Variants in CEP350 observed in about 807,000 individuals in gnomAD.
The protein encoded by CEP350 is centrosome-associated protein 350.
Under a neutral mutation model 331.8 loss-of-function variants are expected in CEP350, and 126 were observed. That is an observed-to-expected ratio of 0.38 (90% confidence interval 0.33 to 0.44). The LOEUF is 0.44. Among genes scored for constraint, CEP350 ranks in the 20% least tolerant of loss-of-function variants. The pLI, the probability that CEP350 is intolerant of heterozygous loss-of-function variation, is 1.00. For missense variants in CEP350, 3,406 were observed against 3,634.6 expected (o/e 0.94, Z 1.62); for synonymous variants, 1,200 against 1,259.5 (o/e 0.95, Z 1.00).
intron 5 of CEP350, among the ~76,000 whole-genome samples, chr1:179,995,067 C>G (rs1379826584): frequency 6.6e-6 from 1 of 152,118 alleles, no homozygotes; most frequent in Admixed American, 6.5e-5. Context: ...TTTTACATTC[C>G]TAAATGTTTA....
At chr1:180,082,610 C>T (rs904313004) in intron 30 of CEP350, among the ~76,000 whole-genome samples, 3 of 152,044 alleles carry the variant, frequency 2.0e-5, no homozygotes, top group African/African-American at 4.8e-5. Flanking sequence ...CCAGTGCGCC[C>T]GGACTGCATT....
At chr1:180,038,764 A>G (rs1656543304) in intron 17 of CEP350, among the ~76,000 whole-genome samples, 1 of 152,194 alleles carries the variant, frequency 6.6e-6, no homozygotes, top group South Asian at 2.1e-4. Flanking sequence ...TATATTCTGG[A>G]AACAAGTCCT....
chr1:180,006,672 C>A, intron 8 of CEP350, 105 bp downstream of exon 8: 1 of 670,142 alleles, frequency 1.5e-6, no homozygotes. Context: ...GTTTGATACA[C>A]AGGGTATACG....
At chr1:180,040,852 G>T (rs1259842463) in intron 17 of CEP350, among the ~76,000 whole-genome samples, 4 of 152,070 alleles carry the variant, frequency 2.6e-5, no homozygotes, top group Middle Eastern at 6.8e-3. Context: ...CAAAAAGTTG[G>T]GTGCTATAGC....
chr1:180,054,021 C>G (rs899649022), intron 24 of CEP350, 87 bp downstream of exon 24: 1 of 1,073,118 alleles, frequency 9.3e-7, no homozygotes, highest in Middle Eastern at 3.1e-4. Flanking sequence ...TTCCTCATTT[C>G]ATTTGATTAG....
Position 180,095,710 on chromosome 1 carries a change from C to G in CEP350, c.8699C>G (p.Ala2900Gly), listed in dbSNP as rs1378073138. Reference sequence around the variant, plus strand: ...GAAGAAACCATTGTACCTCTAATGGCAGAACCTAAAAGAGTAACCCAACAA... The same window carrying G: ...GAAGAAACCATTGTACCTCTAATGGGAGAACCTAAAAGAGTAACCCAACAA... ...KAEETIVPLM[A>G]EPKRVTQQPC... is the part of the protein sequence containing the mutation. Residue 2900 changes from alanine (A) to glycine (G), a missense_variant, in exon 35 of 38, where the codon GCA becomes GGA. Ala to Gly is a moderately conservative substitution (Grantham distance 60, BLOSUM62 0). Transcript: ENST00000367607. 1 of 1,613,854 alleles carries G rather than the reference C, an allele frequency of 6.2e-7. No homozygotes were observed. The highest frequency in any genetic ancestry group is 8.5e-7 in the Non-Finnish European group (1 of 1,179,886).
chr1:179,966,306 A>G (rs1651008769), intron 1 of CEP350, among the ~76,000 whole-genome samples: 2 of 152,190 alleles, frequency 1.3e-5, no homozygotes, highest in African/African-American at 4.8e-5. Context: ...CTGATTTGGG[A>G]GCCCTCATTT....
In CEP350 at chr1:179,976,717, C is replaced by T. The variant is rs185762844; in HGVS notation, c.-13-9452C>T. 2.6e-3 allele frequency among the ~76,000 whole-genome samples: 389 copies of T among 151,576 alleles called. 4 individuals carry two copies. The highest frequency in any genetic ancestry group is 8.8e-3 in the African/African-American group (364 of 41,428). Reference sequence around the variant, plus strand: ...GAAATGAAATATAGGAAATGAATTTCAAATATATTTTTCATTAATAGCTTT... The same window carrying T: ...GAAATGAAATATAGGAAATGAATTTTAAATATATTTTTCATTAATAGCTTT... On this transcript the variant is annotated intron_variant, in intron 1 of 37. Coordinates refer to ENST00000367607, the MANE Select transcript of CEP350 (RefSeq NM_014810.5).
At chr1:180,096,300 C>T (rs1660476018) in intron 36 of CEP350, 116 bp downstream of exon 36, 1 of 1,174,678 alleles carries the variant, frequency 8.5e-7, no homozygotes, top group South Asian at 1.9e-5. Context: ...GTCTTCAGGA[C>T]CTGTTCCATA....
At chr1:180,082,776 TA>T (rs1483145093) in intron 30 of CEP350, among the ~76,000 whole-genome samples, 2 of 152,194 alleles carry the variant, frequency 1.3e-5, no homozygotes, top group Non-Finnish European at 2.9e-5. Flanking sequence ...TTAAAAATAT[TA>T]ATTTAAAATA....
intron 1 of CEP350, among the ~76,000 whole-genome samples, chr1:179,963,259 A>G (rs1381808205): frequency 6.6e-6 from 1 of 151,196 alleles, no homozygotes; most frequent in Non-Finnish European, 1.5e-5. Context: ...CCCATTCTTT[A>G]GGTTACCTCT....
In CEP350 at chr1:180,110,992, C is replaced by T; in HGVS notation, c.9190-5C>T. ...TTTCTAACCTTATTGTCTTCTAAAT[C>T]CTAGGTTCAGGAGCTCCATGAGGAG... On this transcript the variant is annotated splice_region_variant and splice_polypyrimidine_tract_variant and intron_variant, in intron 37 of 37. Coordinates refer to ENST00000367607, the MANE Select transcript of CEP350 (RefSeq NM_014810.5). The T allele has an allele frequency of 1.9e-6, 3 of 1,612,814 alleles. No homozygotes were observed. The highest frequency in any genetic ancestry group is 2.5e-6 in the Non-Finnish European group (3 of 1,179,110).
Position 180,041,667 on chromosome 1 carries a change from T to C in CEP350, c.4227T>C (p.His1409=), listed in dbSNP as rs756353186. Residue 1409 remains histidine, a synonymous_variant, in exon 19 of 38, where the codon CAT becomes CAC. Transcript: ENST00000367607. The part of the protein sequence containing the change: ...EETRNKAAQV[H]AESLQQVVQS... ...TAAACCCCTTTTATTTAAAGGTCCA[T>C]GCAGAATCATTACAGCAGGTGGTTC... 1.2e-6 allele frequency: 2 copies of C among 1,613,442 alleles called. No homozygotes were observed. Among genetic ancestry groups the C allele is most frequent in the African/African-American group, 2.7e-5 (2 of 74,926 alleles).
intron 22 of CEP350, among the ~76,000 whole-genome samples, chr1:180,049,047 G>A (rs745916451): frequency 6.6e-6 from 1 of 152,096 alleles, no homozygotes; most frequent in Non-Finnish European, 1.5e-5. Flanking sequence ...CAGCTTTGGC[G>A]ACAGAGCAAG....
rs1294783338 is a variant in CEP350 at position 180,044,051 on chromosome 1, G to A, written c.4500G>A (p.Arg1500=). The A allele has an allele frequency of 2.0e-5, 31 of 1,523,424 alleles. No homozygotes were observed. Among genetic ancestry groups the A allele is most frequent in the Non-Finnish European group, 2.7e-5 (31 of 1,139,076 alleles). 94.4% of individuals were successfully genotyped at this position (1,523,424 alleles called of 1,614,324 possible). Residue 1500 remains arginine, a splice_region_variant and synonymous_variant, in exon 21 of 38, where the codon AGG becomes AGA. Transcript: ENST00000367607. ...KQLRTRTETD[R]KSPSVSLSQS... ...TAATCAGTTTTTATTTTATTTGTAGGAAAAGTCCATCTGTTTCACTCTCTC... is the reference window on the plus strand; with the variant it reads ...TAATCAGTTTTTATTTTATTTGTAGAAAAAGTCCATCTGTTTCACTCTCTC...
At position 180,041,820 on chromosome 1, in the gene CEP350, C is replaced by A. The variant is rs944727136; in HGVS notation, c.4362+18C>A. On this transcript the variant is annotated intron_variant, in intron 19 of 37. Transcript: ENST00000367607. Reference sequence around the variant, plus strand: ...TCTGTGAGGTAGGTGCCACTGAGAACACTTCTCTTTTTACTTCTTTTTAGT... The same window carrying A: ...TCTGTGAGGTAGGTGCCACTGAGAAAACTTCTCTTTTTACTTCTTTTTAGT... 6.2e-7 allele frequency: 1 copy of A among 1,603,410 alleles called. No individual in the cohort carries two copies. The highest frequency in any genetic ancestry group is 1.3e-5 in the African/African-American group (1 of 74,628).
chr1:180,103,859 T>C (rs1464108149), intron 37 of CEP350, among the ~76,000 whole-genome samples: 2 of 151,332 alleles, frequency 1.3e-5, no homozygotes, highest in Non-Finnish European at 2.9e-5. Context: ...ATTTGTTACT[T>C]AGGATTTTCC....
intron 29 of CEP350, among the ~76,000 whole-genome samples, chr1:180,079,034 T>A (rs1659406312): frequency 6.6e-6 from 1 of 152,170 alleles, no homozygotes; most frequent in Non-Finnish European, 1.5e-5. Context: ...TGTAACTGAA[T>A]TAATAACTTA....
chr1:180,042,811 T>C (rs1032821380), intron 19 of CEP350, among the ~76,000 whole-genome samples: 1 of 152,238 alleles, frequency 6.6e-6, no homozygotes, highest in African/African-American at 2.4e-5. Context: ...GTTTTCTGTC[T>C]AATTCATAGA....
Sources: gnomAD v4.1 joint callset for allele counts (sites outside exome capture counted in the v4.1 genomes callset) on GRCh38, gnomAD v4.1.1 for gene constraint, MANE v1.5 for transcripts, NCBI Gene and HGNC (gene_info 2026-07-23, HGNC 2026-07-21) for gene names.